Variants in PHF24 observed in about 807,000 individuals in gnomAD.
The protein encoded by PHF24 is PHD finger protein 24, also known as Galpha inhibitory interacting protein.
Under a neutral mutation model 42.6 loss-of-function variants are expected in PHF24, and 25 were observed. That is an observed-to-expected ratio of 0.59 (90% CI 0.43 to 0.82). The LOEUF is 0.82. PHF24 is among the 40% of genes least tolerant of loss of function. The pLI is 0.00. For missense variants in PHF24, 470 were observed against 538.1 expected, an observed-to-expected ratio of 0.87 and a Z score of 1.25; for synonymous variants, 185 against 204.8, an observed-to-expected ratio of 0.90 and a Z score of 0.83.
chr9:34,765,461 T>C, the PHF24 span, among the ~76,000 whole-genome samples: 4 of 150,646 alleles, frequency 2.7e-5, no homozygotes, highest in African/African-American at 9.7e-5. Context: ...GTAATGGCCT[T>C]CTTTGTCTCT....
At chr9:34,778,544 T>C in the PHF24 span, among the ~76,000 whole-genome samples, 83 of 152,018 alleles carry the variant, frequency 5.5e-4, no homozygotes, top group Admixed American at 1.2e-3. Context: ...TTCATAATGA[T>C]AAAAGGGTCA....
chr9:34,882,865 T>G, the PHF24 span, among the ~76,000 whole-genome samples: 1 of 152,118 alleles, frequency 6.6e-6, no homozygotes, highest in Non-Finnish European at 1.5e-5. Flanking sequence ...AAAAACTACT[T>G]TAAAGTTCGT....
chr9:34,968,125 GC>G (rs1195008901), intron 1 of PHF24, among the ~76,000 whole-genome samples: 6 of 152,182 alleles, frequency 3.9e-5, no homozygotes, highest in Non-Finnish European at 5.9e-5. Flanking sequence ...TTTGTAACTT[GC>G]TATTTTTGTT....
chr9:34,947,622 G>A, the PHF24 span, among the ~76,000 whole-genome samples: 1 of 152,074 alleles, frequency 6.6e-6, no homozygotes, highest in Admixed American at 6.5e-5. Context: ...CCAGAAGAAG[G>A]CATTGTTGTC....
At chr9:34,836,740 G>A in the PHF24 span, among the ~76,000 whole-genome samples, 1 of 152,160 alleles carries the variant, frequency 6.6e-6, no homozygotes, top group Non-Finnish European at 1.5e-5. Context: ...TGTGACATGG[G>A]TGACTTTCTC....
chr9:34,711,699 C>G, the PHF24 span, among the ~76,000 whole-genome samples: 1 of 152,070 alleles, frequency 6.6e-6, no homozygotes, highest in Non-Finnish European at 1.5e-5. Flanking sequence ...CCTGTCACCA[C>G]ATCCAGCTAA....
the PHF24 span, among the ~76,000 whole-genome samples, chr9:34,732,050 T>G: frequency 1.3e-5 from 2 of 148,224 alleles, no homozygotes; most frequent in African/African-American, 5.0e-5. Flanking sequence ...TTTGTAGAGA[T>G]GAGGTCTCAC....
the PHF24 span, among the ~76,000 whole-genome samples, chr9:34,805,243 T>A: frequency 6.6e-6 from 1 of 152,348 alleles, no homozygotes; most frequent in East Asian, 1.9e-4. Flanking sequence ...AATTGCTGGG[T>A]CATATGGCAA....
At chr9:34,813,290 A>C in the PHF24 span, among the ~76,000 whole-genome samples, 1 of 152,174 alleles carries the variant, frequency 6.6e-6, no homozygotes, top group African/African-American at 2.4e-5. Flanking sequence ...TGCTACCCAC[A>C]TATGCATTGC....
At chr9:34,880,967 C>T in the PHF24 span, among the ~76,000 whole-genome samples, 1 of 152,192 alleles carries the variant, frequency 6.6e-6, no homozygotes, top group Non-Finnish European at 1.5e-5. Context: ...GTAAAGCACA[C>T]TCCTCAGCAA....
At chr9:34,935,859 A>G in the PHF24 span, among the ~76,000 whole-genome samples, 1 of 151,846 alleles carries the variant, frequency 6.6e-6, no homozygotes, top group Non-Finnish European at 1.5e-5. Flanking sequence ...GATGAGGACA[A>G]AGAGGAGGGA....
At chr9:34,820,976 A>T in the PHF24 span, among the ~76,000 whole-genome samples, 2 of 152,162 alleles carry the variant, frequency 1.3e-5, no homozygotes, top group African/African-American at 4.8e-5. Context: ...GCATTTCTCT[A>T]ATGATCAGTG....
chr9:34,935,944 G>A, the PHF24 span, among the ~76,000 whole-genome samples: 1 of 151,952 alleles, frequency 6.6e-6, no homozygotes, highest in Admixed American at 6.6e-5. Flanking sequence ...AGTTTCAGCA[G>A]TGGGGTGAAG....
At chr9:34,748,286 C>A in the PHF24 span, among the ~76,000 whole-genome samples, 63 of 152,284 alleles carry the variant, frequency 4.1e-4, no homozygotes, top group Non-Finnish European at 7.6e-4. Flanking sequence ...TGGTTTGGAT[C>A]TGTGTTCCCA....
At chr9:34,956,406 C>T (rs1722606345), upstream of PHF24, among the ~76,000 whole-genome samples, 1 of 152,130 alleles carries the variant, frequency 6.6e-6, no homozygotes, top group South Asian at 2.1e-4. Context: ...ACCACAGGCG[C>T]GTGCCACTGC....
At chr9:34,915,312 G>T in the PHF24 span, among the ~76,000 whole-genome samples, 1 of 152,018 alleles carries the variant, frequency 6.6e-6, no homozygotes, top group Non-Finnish European at 1.5e-5. Context: ...CCTAGTCAAA[G>T]CATTTTCAGC....
chr9:34,692,785 C>CTTTTTTT, the PHF24 span, among the ~76,000 whole-genome samples: 1 of 120,064 alleles, frequency 8.3e-6, no homozygotes, highest in Non-Finnish European at 1.7e-5. Context: ...TTCTTTTGTC[C>CTTTTTTT]TTTTTTTTTT....
chr9:34,704,057 G>A, the PHF24 span, among the ~76,000 whole-genome samples: 19,157 of 150,188 alleles, frequency 0.13, 2,699 homozygotes, highest in African/African-American at 0.35. Flanking sequence ...TTTAAAGGTG[G>A]GGTATTGCTC....
At chr9:34,781,090 G>A in the PHF24 span, among the ~76,000 whole-genome samples, 1 of 152,184 alleles carries the variant, frequency 6.6e-6, no homozygotes, top group South Asian at 2.1e-4. Flanking sequence ...TTTTCTGAAA[G>A]TTAAACATTG....
Sources: allele counts gnomAD v4.1 joint callset (sites outside exome capture counted in the v4.1 genomes callset), GRCh38; gene constraint gnomAD v4.1.1; transcripts MANE v1.5; gene names NCBI Gene and HGNC (gene_info 2026-07-23, HGNC 2026-07-21).